Variants in ZNF138 observed in about 807,000 individuals in gnomAD.
ZNF138 encodes zinc finger protein 138.
In ZNF138, 33 loss-of-function variants were observed where a neutral mutation model predicts 33.0. That is an observed-to-expected ratio of 1.00 (90% CI 0.76 to 1.34). The LOEUF (loss-of-function observed/expected upper bound fraction) is 1.34, where lower values mean the gene tolerates loss of function less well. ZNF138 is among the 40% of genes most tolerant of loss of function. The probability of loss-of-function intolerance (pLI) is 0.00; values close to 1 mark genes in which losing one functional copy is unlikely to be tolerated. For missense variants in ZNF138, 360 were observed against 370.8 expected (o/e 0.97, Z 0.24); for synonymous variants, 139 against 120.4 (o/e 1.15, Z -1.01).
At chr7:64,839,569 G>A in the ZNF138 span, among the ~76,000 whole-genome samples, 7 of 152,062 alleles carry the variant, frequency 4.6e-5, no homozygotes, top group East Asian at 1.9e-4. Context: ...GTGTGCGCAT[G>A]ACTCTCGGCC....
At chr7:64,813,582 C>T (rs562876640) in intron 1 of ZNF138, among the ~76,000 whole-genome samples, 11 of 152,082 alleles carry the variant, frequency 7.2e-5, no homozygotes, top group African/African-American at 2.2e-4. Flanking sequence ...TACAGGTGCC[C>T]GCCACCACGC....
chr7:64,813,957 T>G, intron 1 of ZNF138: 1 of 953,456 alleles, frequency 1.0e-6, no homozygotes, highest in Non-Finnish European at 1.3e-6. Context: ...GCTGCTGATG[T>G]GGATAAACCA....
downstream of ZNF138, among the ~76,000 whole-genome samples, chr7:64,838,510 T>C (rs945222876): frequency 2.6e-5 from 4 of 152,158 alleles, no homozygotes; most frequent in African/African-American, 9.7e-5. Context: ...GAATGCCGGT[T>C]GCAGGGCAGC....
downstream of ZNF138, among the ~76,000 whole-genome samples, chr7:64,837,297 G>T (rs370757846): frequency 2.6e-5 from 4 of 152,136 alleles, no homozygotes; most frequent in South Asian, 2.1e-4. Flanking sequence ...CTTTCCACGG[G>T]GGGAGAGACC....
intron 1 of ZNF138, among the ~76,000 whole-genome samples, chr7:64,799,654 G>T (rs748658530): frequency 2.8e-4 from 42 of 150,262 alleles, no homozygotes; most frequent in Admixed American, 1.7e-3. Flanking sequence ...TTGTTTATTT[G>T]TTTTTTGAGA....
At chr7:64,797,056 AAAG>A (rs1786746939) in intron 1 of ZNF138, among the ~76,000 whole-genome samples, 1 of 152,174 alleles carries the variant, frequency 6.6e-6, no homozygotes, top group South Asian at 2.1e-4. Context: ...TCTCAAGAAA[AAAG>A]AAAGAAAGAA....
chr7:64,822,878 T>A (rs573865158), intron 3 of ZNF138, among the ~76,000 whole-genome samples: 1 of 151,494 alleles, frequency 6.6e-6, no homozygotes, highest in African/African-American at 2.4e-5. Flanking sequence ...AAATTAATTT[T>A]TTTATTTTTT....
chr7:64,814,052 T>C (rs1043902657), intron 1 of ZNF138: 31 of 1,206,556 alleles, frequency 2.6e-5, no homozygotes, highest in Non-Finnish European at 3.1e-5. Context: ...CTCATCTTTG[T>C]TTACAGGCCA....
the ZNF138 span, chr7:64,853,142 A>G: frequency 1.4e-6 from 2 of 1,474,220 alleles, no homozygotes; most frequent in Non-Finnish European, 1.9e-6. Context: ...TCTCAAAGGA[A>G]TGACAAGTAT....
At chr7:64,817,960 T>A (rs1403140770) in intron 3 of ZNF138, among the ~76,000 whole-genome samples, 8 of 151,218 alleles carry the variant, frequency 5.3e-5, no homozygotes, top group Non-Finnish European at 8.8e-5. Context: ...TTCTTCAGCC[T>A]GTATCTTAAT....
downstream of ZNF138, among the ~76,000 whole-genome samples, chr7:64,834,290 A>C (rs1368655245): frequency 6.6e-6 from 1 of 152,152 alleles, no homozygotes; most frequent in East Asian, 1.9e-4. Flanking sequence ...TTCCACATGC[A>C]GTAAATATAA....
chr7:64,857,995 C>A, the ZNF138 span, among the ~76,000 whole-genome samples: 1 of 152,168 alleles, frequency 6.6e-6, no homozygotes, highest in Non-Finnish European at 1.5e-5. Flanking sequence ...ATTTTTACTT[C>A]TTTTGACAGA....
chr7:64,843,332 A>G, the ZNF138 span, among the ~76,000 whole-genome samples: 2 of 152,188 alleles, frequency 1.3e-5, no homozygotes, highest in South Asian at 4.1e-4. Context: ...CAATAATAAA[A>G]TTGCTGTATT....
chr7:64,823,743 G>C (rs1411467544), intron 3 of ZNF138, among the ~76,000 whole-genome samples: 1 of 152,140 alleles, frequency 6.6e-6, no homozygotes, highest in African/African-American at 2.4e-5. Context: ...TTTGAGCCCA[G>C]CCTGGCCAAT....
chr7:64,822,373 G>A (rs1723195644), intron 3 of ZNF138, among the ~76,000 whole-genome samples: 1 of 151,562 alleles, frequency 6.6e-6, no homozygotes, highest in African/African-American at 2.4e-5. Context: ...AGAAAGTAAT[G>A]CCAAGATCAA....
intron 3 of ZNF138, among the ~76,000 whole-genome samples, chr7:64,822,059 C>T (rs1481707483): frequency 1.5e-4 from 23 of 150,772 alleles, no homozygotes; most frequent in African/African-American, 4.9e-4. Context: ...GCTGGGACCA[C>T]AGGTGACCAC....
At chr7:64,847,810 A>T in the ZNF138 span, among the ~76,000 whole-genome samples, 1 of 152,188 alleles carries the variant, frequency 6.6e-6, no homozygotes, top group South Asian at 2.1e-4. Context: ...CAGTTCTTCA[A>T]TTCTGTATCT....
chr7:64,850,720 A>G, the ZNF138 span, among the ~76,000 whole-genome samples: 1 of 152,148 alleles, frequency 6.6e-6, no homozygotes, highest in Admixed American at 6.5e-5. Context: ...TACTGCCTAA[A>G]TCATAGGGTT....
At chr7:64,830,575 A>G (rs2129015677) in intron 3 of ZNF138, among the ~76,000 whole-genome samples, 1 of 152,112 alleles carries the variant, frequency 6.6e-6, no homozygotes, top group Non-Finnish European at 1.5e-5. Context: ...TCCCCACCTC[A>G]TCCTCCCAAA....
Sources: allele counts gnomAD v4.1 joint callset (sites outside exome capture counted in the v4.1 genomes callset), GRCh38; gene constraint gnomAD v4.1.1; transcripts MANE v1.5; gene names NCBI Gene and HGNC (gene_info 2026-07-23, HGNC 2026-07-21).